Variants in ATF2 observed in about 807,000 individuals in gnomAD.
ATF2 encodes cyclic AMP-dependent transcription factor ATF-2.
Under a neutral mutation model 60.6 loss-of-function variants are expected in ATF2, and 24 were observed. The observed-to-expected ratio is 0.40, with a 90% CI of 0.29 to 0.56. The LOEUF is 0.56. Ranked by LOEUF, ATF2 falls within the 20% of genes least tolerant of loss-of-function variation. The probability of loss-of-function intolerance (pLI) is 0.54; values close to 1 mark genes in which losing one functional copy is unlikely to be tolerated. For missense variants in ATF2, 433 were observed against 607.7 expected (o/e 0.71, Z 3.02); for synonymous variants, 206 against 215.4 (o/e 0.96, Z 0.38).
intron 3 of ATF2, among the ~76,000 whole-genome samples, chr2:175,135,357 C>T (rs1698065139): frequency 6.6e-6 from 1 of 152,116 alleles, no homozygotes. Flanking sequence ...TCAAGCCTCC[C>T]TAGCTCCAAC....
chr2:175,101,625 TA>T (rs1361216832), intron 10 of ATF2, among the ~76,000 whole-genome samples: 1 of 152,196 alleles, frequency 6.6e-6, no homozygotes, highest in Non-Finnish European at 1.5e-5. Context: ...TAACTGCACA[TA>T]GGGGAGCCTG....
intron 12 of ATF2, among the ~76,000 whole-genome samples, chr2:175,083,455 T>C (rs907851936): frequency 2.0e-5 from 3 of 152,214 alleles, no homozygotes; most frequent in Non-Finnish European, 4.4e-5. Flanking sequence ...TGTAGAAAGC[T>C]GAAACTGGAT....
At chr2:175,146,334 T>A (rs1698944952) in intron 2 of ATF2, among the ~76,000 whole-genome samples, 1 of 152,178 alleles carries the variant, frequency 6.6e-6, no homozygotes, top group South Asian at 2.1e-4. Context: ...ATCCTTTTTC[T>A]ATGAAGTACA....
chr2:175,090,259 C>A (rs1396583460), intron 12 of ATF2, among the ~76,000 whole-genome samples: 1 of 152,120 alleles, frequency 6.6e-6, no homozygotes, highest in Non-Finnish European at 1.5e-5. Flanking sequence ...AATGATACAA[C>A]ATCTGATGTT....
At chr2:175,108,927 T>A in intron 10 of ATF2, among the ~76,000 whole-genome samples, 1 of 152,088 alleles carries the variant, frequency 6.6e-6, no homozygotes, top group East Asian at 1.9e-4. Context: ...TTAAATGGAT[T>A]AAGGGCGGTG....
At chr2:175,134,853 C>T (rs1314768178) in intron 3 of ATF2, among the ~76,000 whole-genome samples, 1 of 151,210 alleles carries the variant, frequency 6.6e-6, no homozygotes, top group African/African-American at 2.4e-5. Context: ...GTGGTAGTGT[C>T]GTGGTAGCGT....
chr2:175,141,775 G>C (rs1041630884), intron 2 of ATF2, among the ~76,000 whole-genome samples: 1 of 151,810 alleles, frequency 6.6e-6, no homozygotes, highest in African/African-American at 2.4e-5. Context: ...TTACAGGTGT[G>C]AGCCACCGTG....
At chr2:175,134,385 A>G (rs2105760566) in intron 3 of ATF2, among the ~76,000 whole-genome samples, 1 of 152,294 alleles carries the variant, frequency 6.6e-6, no homozygotes, top group Middle Eastern at 3.4e-3. Flanking sequence ...GAACAACTGT[A>G]TATCTAAAAA....
intron 2 of ATF2, among the ~76,000 whole-genome samples, chr2:175,150,149 C>G (rs1288425420): frequency 6.6e-6 from 1 of 152,118 alleles, no homozygotes; most frequent in Non-Finnish European, 1.5e-5. Context: ...ACCCATTCTG[C>G]TTTATACTTG....
intron 13 of ATF2, among the ~76,000 whole-genome samples, chr2:175,076,531 AG>A (rs2105521405): frequency 6.6e-6 from 1 of 152,260 alleles, no homozygotes; most frequent in South Asian, 2.1e-4. Flanking sequence ...AGCACCCAAC[AG>A]GTCGTTTCTC....
chr2:175,146,815 T>C (rs1698989493), intron 2 of ATF2, among the ~76,000 whole-genome samples: 1 of 152,194 alleles, frequency 6.6e-6, no homozygotes, highest in Non-Finnish European at 1.5e-5. Flanking sequence ...AAATAGCATG[T>C]ATAGGGCTCA....
chr2:175,097,550 T>C lies in ATF2; in HGVS notation c.872A>G (p.Asn291Ser), dbSNP rs1422224831. ...ACCATGACCTTTGACAGTATCACCATTGGTAACTGGAGGATGTTGCTGGGT... is the reference window on the plus strand; with the variant it reads ...ACCATGACCTTTGACAGTATCACCACTGGTAACTGGAGGATGTTGCTGGGT... ...ALTQQHPPVT[N>S]GDTVKGHGSG... The change falls in exon 11 of 14, where the codon AAT (asparagine) becomes AGT (serine). Residue 291 changes from asparagine (N) to serine (S), a missense_variant. Coordinates refer to ENST00000264110, the MANE Select transcript of ATF2 (RefSeq NM_001880.4). 9 of 1,614,128 alleles carry C rather than the reference T, an allele frequency of 5.6e-6. No individual in the cohort carries two copies. The highest frequency in any genetic ancestry group is 1.1e-5 in the South Asian group (1 of 91,084).
At chr2:175,107,369 T>C (rs1440353152) in intron 10 of ATF2, among the ~76,000 whole-genome samples, 1 of 152,206 alleles carries the variant, frequency 6.6e-6, no homozygotes, top group Non-Finnish European at 1.5e-5. Context: ...CAATTTCTTA[T>C]AAAGTTAAAT....
chr2:175,157,176 A>C (rs1273975110), intron 1 of ATF2, among the ~76,000 whole-genome samples: 1 of 152,236 alleles, frequency 6.6e-6, no homozygotes, highest in Non-Finnish European at 1.5e-5. Context: ...TGGTAAAACT[A>C]TTCTCATTAT....
intron 2 of ATF2, among the ~76,000 whole-genome samples, chr2:175,141,047 A>ATATG (rs1373473723): frequency 7.7e-6 from 1 of 130,340 alleles, no homozygotes; most frequent in African/African-American, 2.9e-5. Flanking sequence ...ATATATATAT[A>ATATG]TATATGTATA....
At position 175,072,590 on chromosome 2, in the gene ATF2, G is replaced by C. The variant is rs1157591266; in HGVS notation, c.*2019C>G. 6.6e-6 allele frequency: 1 copy of C among 152,018 alleles called. No homozygotes were observed. The highest frequency in any genetic ancestry group is 2.4e-5 in the African/African-American group (1 of 41,418). The allele number at this position is 152,018 out of a possible 1,614,324, so 9.4% of individuals were successfully genotyped here. On this transcript the variant is annotated 3_prime_UTR_variant, in exon 14 of 14. Transcript: ENST00000264110. ...CCTTAACTTGCATAAGTAATAAGAT[G>C]AAAGAAAAATGTACTGAAGGACTTA...
At chr2:175,090,192 A>G (rs1039160090) in intron 12 of ATF2, among the ~76,000 whole-genome samples, 15 of 152,064 alleles carry the variant, frequency 9.9e-5, no homozygotes, top group African/African-American at 3.4e-4. Context: ...TCCCTCCCCC[A>G]TTAATATGCC....
chr2:175,147,815 G>A (rs1455381928), intron 2 of ATF2: 1 of 152,098 alleles, frequency 6.6e-6, no homozygotes, highest in African/African-American at 2.4e-5. Flanking sequence ...GACAGGCTAT[G>A]GGAACATAAA....
intron 2 of ATF2, among the ~76,000 whole-genome samples, chr2:175,144,293 A>G (rs1004603360): frequency 3.3e-5 from 5 of 152,184 alleles, no homozygotes; most frequent in African/African-American, 1.2e-4. Flanking sequence ...CAAAAATGGG[A>G]CAAAAATATT....
Sources: allele counts gnomAD v4.1 joint callset (sites outside exome capture counted in the v4.1 genomes callset), GRCh38; gene constraint gnomAD v4.1.1; transcripts MANE v1.5; gene names NCBI Gene and HGNC (gene_info 2026-07-23, HGNC 2026-07-21).